Variants in ATP2A1 observed in about 807,000 individuals in gnomAD.
The protein encoded by ATP2A1 is sarcoplasmic/endoplasmic reticulum calcium ATPase 1.
ATP2A1 carries 83 observed loss-of-function variants against 109.5 expected under a neutral mutation model. The ratio of observed to expected loss-of-function variants is 0.76; its 90% CI spans 0.63 to 0.91. The LOEUF is 0.91. Among genes scored for constraint, ATP2A1 ranks in the 40% least tolerant of loss-of-function variants. The pLI is 0.00. For missense variants in ATP2A1, 1,101 were observed against 1,341.0 expected (o/e 0.82, Z 2.80); for synonymous variants, 505 against 537.6 (o/e 0.94, Z 0.84).
intron 14 of ATP2A1, among the ~76,000 whole-genome samples, chr16:28,899,305 C>T (rs1963999251): frequency 6.6e-6 from 1 of 152,206 alleles, no homozygotes; most frequent in African/African-American, 2.4e-5. Context: ...CTGCCAAAAG[C>T]AGAAAGCAGT....
Position 28,902,425 on chromosome 16 carries a change from G to A in ATP2A1, c.2524+39G>A, listed in dbSNP as rs1964106535. The stretch of plus-strand genomic sequence containing the variant: ...GTTCCTCGATCCTCCCCACCCCTTG[G>A]GACTAACCCCCTCTCTGGGACACCA... On this transcript the variant is annotated intron_variant, in intron 17 of 22. Transcript: ENST00000395503. The surrounding 1 kb of genome is among the most constrained non-coding windows in gnomAD (Gnocchi z 4.8). 6.2e-7 allele frequency: 1 copy of A among 1,607,032 alleles called. No individual in the cohort carries two copies. The highest frequency in any genetic ancestry group is 8.5e-7 in the Non-Finnish European group (1 of 1,174,930).
rs1963462817 is a variant in ATP2A1, at chr16:28,881,149, G to C, written c.324+130G>C. 1.1e-5 allele frequency: 10 copies of C among 930,448 alleles called. No individual in the cohort carries two copies. The South Asian group carries it at 1.4e-4, about 13-fold the overall frequency. 57.6% of individuals were successfully genotyped at this position (930,448 alleles called of 1,614,324 possible). On this transcript the variant is annotated intron_variant, in intron 4 of 22. Transcript: ENST00000395503. ...TTCCTCTGGTCCTATCCCCTGGTCTGGAATGGGATGGAGTGTGGGGAAGAG... is the reference window on the plus strand; with the variant it reads ...TTCCTCTGGTCCTATCCCCTGGTCTCGAATGGGATGGAGTGTGGGGAAGAG...
intron 6 of ATP2A1, 56 bp from the exon 7 acceptor site, chr16:28,887,133 A>T: frequency 6.4e-7 from 1 of 1,566,184 alleles, no homozygotes; most frequent in Non-Finnish European, 8.8e-7. Context: ...TAGGCACGGG[A>T]AGCCTGGGAG....
intron 12 of ATP2A1, among the ~76,000 whole-genome samples, chr16:28,897,463 C>T (rs1434354497): frequency 6.6e-6 from 1 of 152,078 alleles, no homozygotes; most frequent in East Asian, 1.9e-4. Flanking sequence ...CATTGTACTT[C>T]AGCCTAGGAG....
In ATP2A1 at chr16:28,888,997, G is replaced by GT. The variant is rs750076852; in HGVS notation, c.1095+45dup. 605 of 1,610,728 alleles carry GT rather than the reference G, an allele frequency of 3.8e-4. 1 individual carries two copies. The highest frequency in any genetic ancestry group is 4.9e-4 in the Non-Finnish European group (583 of 1,178,382). On this transcript the variant is annotated intron_variant, in intron 9 of 22. Transcript: ENST00000395503. ...AGCGCGCTCAGTCAGAAGGCTGCCT[G>GT]TGGGGGTTAAATGGGCCCTCCAAAG...
At position 28,887,218 on chromosome 16, in the gene ATP2A1, G is replaced by A; in HGVS notation, c.574G>A (p.Glu192Lys). 1 of 1,613,700 alleles carries A rather than the reference G, an allele frequency of 6.2e-7. No homozygotes were observed. Residue 192 changes from glutamate (E) to lysine (K), a missense_variant, in exon 7 of 23, where the codon GAG becomes AAG. Physicochemically the swap from Glu to Lys is moderately conservative, Grantham distance 56. Transcript: ENST00000395503. ...GESVSVIKHT[E>K]PVPDPRAVNQ... Reference sequence around the variant, plus strand: ...GTCTGTATCTGTCATCAAACACACGGAGCCCGTTCCTGACCCCCGAGCTGT... The same window carrying A: ...GTCTGTATCTGTCATCAAACACACGAAGCCCGTTCCTGACCCCCGAGCTGT...
In ATP2A1 at chr16:28,880,832, C is replaced by T. The variant is rs969258495; in HGVS notation, c.220-83C>T. 3.8e-5 allele frequency: 51 copies of T among 1,331,538 alleles called. No individual in the cohort carries two copies. Among genetic ancestry groups the T allele is most frequent in the Non-Finnish European group, 5.2e-5 (48 of 924,108 alleles). 82.5% of individuals were successfully genotyped at this position (1,331,538 alleles called of 1,614,324 possible). ...GGCTCCTGCACTCTCCTGCACAGTT[C>T]TCCCCTTTGCAGTGGTCCACTTCCT... On this transcript the variant is annotated intron_variant, in intron 3 of 22. Transcript: ENST00000395503. The surrounding 1 kb of genome is among the most constrained non-coding windows in gnomAD (Gnocchi z 4.2).
In ATP2A1 at chr16:28,902,784, T is replaced by C; in HGVS notation, c.2617T>C (p.Phe873Leu). The C allele has an allele frequency of 6.2e-7, 1 of 1,613,570 alleles. No individual in the cohort carries two copies. The highest frequency in any genetic ancestry group is 8.5e-7 in the Non-Finnish European group (1 of 1,179,826). Residue 873 changes from phenylalanine (F) to leucine (L), a missense_variant, in exon 19 of 23, where the codon TTC becomes CTC. Physicochemically the swap from Phe to Leu is conservative, Grantham distance 22 (BLOSUM62 0). Transcript: ENST00000395503. This position sits in a 1 kb window ranked among gnomAD's most constrained non-coding sequence, Gnocchi z 4.8. The stretch of plus-strand genomic sequence containing the variant: ...TCCCGTACCTTCCCTGCAGACTCAC[T>C]TCATGCAGTGCACCGAGGACAACAC... ...PHVNYSQLTH[F>L]MQCTEDNTHF... is the part of the protein sequence containing the mutation.
chr16:28,902,982 ACCTCCTTCCTCCTCACTGTG>A lies in ATP2A1; in HGVS notation c.2745-44_2745-25del. The A allele has an allele frequency of 6.2e-7, 1 of 1,607,698 alleles. No individual in the cohort carries two copies. The highest frequency in any genetic ancestry group is 8.5e-7 in the Non-Finnish European group (1 of 1,178,176). ...GCCCACATCCTCCACTGTGCCGCCCACCTCCTTCCTCCTCACTGTGCCTTCTCCCTCCCCTTCCCCTCTGC... is the reference window on the plus strand; with the variant it reads ...GCCCACATCCTCCACTGTGCCGCCCACCTTCTCCCTCCCCTTCCCCTCTGC... On this transcript the variant is annotated intron_variant, in intron 19 of 22. Transcript: ENST00000395503. The surrounding 1 kb of genome is among the most constrained non-coding windows in gnomAD (Gnocchi z 4.8).
chr16:28,879,844 C>T (rs1963403609), intron 3 of ATP2A1: 2 of 596,780 alleles, frequency 3.4e-6, no homozygotes, highest in Non-Finnish European at 5.3e-6. Context: ...GCTTCAAGAG[C>T]TTGGAGAGCT....
rs750049229 is a variant in ATP2A1 at position 28,887,719 on chromosome 16, G to A, written c.925G>A (p.Glu309Lys). Residue 309 changes from glutamate to lysine, a missense_variant, in exon 8 of 23, where the codon GAA becomes AAA. Coordinates refer to ENST00000395503, the MANE Select transcript of ATP2A1 (RefSeq NM_004320.6). The stretch of plus-strand genomic sequence containing the variant: ...GGCCTTGGCTGTGGCTGCCATCCCC[G>A]AAGGTATGAAAGCCTTTCTTTTCTC... The part of the protein sequence containing the change: ...AVALAVAAIP[E>K]GLPAVITTCL... 6 of 1,613,708 alleles carry A rather than the reference G, an allele frequency of 3.7e-6. No individual in the cohort carries two copies. Among genetic ancestry groups the A allele is most frequent in the South Asian group, 3.3e-5 (3 of 91,074 alleles).
At position 28,902,479 on chromosome 16, in the gene ATP2A1, T is replaced by G. The variant is rs1964108674; in HGVS notation, c.2524+93T>G. ...CCCCCATGCAGGTGCTGAGAGGGTCTTCTTCCTTGGCCAGCCTGTCCATGG... is the reference window on the plus strand; with the variant it reads ...CCCCCATGCAGGTGCTGAGAGGGTCGTCTTCCTTGGCCAGCCTGTCCATGG... On this transcript the variant is annotated intron_variant, in intron 17 of 22. Transcript: ENST00000395503. This position sits in a 1 kb window ranked among gnomAD's most constrained non-coding sequence, Gnocchi z 4.8. 6.4e-7 allele frequency: 1 copy of G among 1,570,312 alleles called. No individual in the cohort carries two copies. The highest frequency in any genetic ancestry group is 8.7e-7 in the Non-Finnish European group (1 of 1,148,634).
chr16:28,902,064 A>C lies in ATP2A1; in HGVS notation c.2302A>C (p.Asn768His). The stretch of plus-strand genomic sequence containing the variant: ...GTTCATCCGCTACCTCATTTCCTCC[A>C]ACGTGGGCGAGGTGGTCTGGTGAGC... ...KQFIRYLISS[N>H]VGEVVCIFLT... is the part of the protein sequence containing the mutation. The change falls in exon 16 of 23, where the codon AAC becomes CAC. Residue 768 changes from asparagine (N) to histidine (H), a missense_variant. Asn to His is a moderately conservative substitution (Grantham distance 68, BLOSUM62 1). Transcript: ENST00000395503. The surrounding 1 kb of genome is among the most constrained non-coding windows in gnomAD (Gnocchi z 4.8). 6.2e-7 allele frequency: 1 copy of C among 1,614,214 alleles called. No individual in the cohort carries two copies.
chr16:28,900,594 T>A lies in ATP2A1; in HGVS notation c.1778T>A (p.Phe593Tyr), dbSNP rs1567490455. ...GTATCTCCCCAGACGGACCTGACAT[T>A]CGTGGGTGTAGTGGGCATGCTGGAC... is the stretch of plus-strand genomic sequence containing the variant. The part of the protein sequence containing the change: ...RFLEYETDLT[F>Y]VGVVGMLDPP... The change falls in exon 15 of 23, where the codon TTC becomes TAC. Residue 593 changes from phenylalanine to tyrosine, a missense_variant. Phe to Tyr is a conservative substitution (Grantham distance 22). Coordinates refer to ENST00000395503, the MANE Select transcript of ATP2A1 (RefSeq NM_004320.6). The A allele has an allele frequency of 1.3e-6, 2 of 1,566,468 alleles. No individual in the cohort carries two copies.
chr16:28,898,539 T>A lies in ATP2A1; in HGVS notation c.1764+88T>A, dbSNP rs535975890. 2 of 1,420,808 alleles carry A rather than the reference T, an allele frequency of 1.4e-6. No individual in the cohort carries two copies. The highest frequency in any genetic ancestry group is 2.4e-5 in the South Asian group (2 of 82,160). 88.0% of individuals were successfully genotyped at this position (1,420,808 alleles called of 1,614,324 possible). On this transcript the variant is annotated intron_variant, in intron 14 of 22. Transcript: ENST00000395503. The surrounding 1 kb of genome is among the most constrained non-coding windows in gnomAD (Gnocchi z 4.0). The stretch of plus-strand genomic sequence containing the variant: ...CTCACAGCTCCACCACCCGGATCAT[T>A]TCCTACCTCGTCAGTCAAGTTGATG...
chr16:28,894,269 C>T, intron 10 of ATP2A1, 26 bp downstream of exon 10: 2 of 1,600,488 alleles, frequency 1.2e-6, no homozygotes, highest in Non-Finnish European at 1.7e-6. Flanking sequence ...ATCTTCTCCC[C>T]AGCTCCTCAC....
chr16:28,900,650 C>T lies in ATP2A1; in HGVS notation c.1834C>T (p.Gln612Ter). The T allele has an allele frequency of 6.2e-7, 1 of 1,607,354 alleles. No homozygotes were observed. The highest frequency in any genetic ancestry group is 8.5e-7 in the Non-Finnish European group (1 of 1,175,110). The change falls in exon 15 of 23, where the codon CAG (glutamine) becomes TAG (stop). Residue 612 changes from glutamine (Q) to a stop codon, truncating the protein, a stop_gained. Transcript: ENST00000395503. LOFTEE classifies it high-confidence loss of function. ...GCGCAAGGAGGTCACGGGCTCCATC[C>T]AGCTGTGCCGTGACGCCGGGATCCG... ...PPRKEVTGSI[Q>*]LCRDAGIRVI...
At chr16:28,882,318 T>C in intron 4 of ATP2A1, 133 bp from the exon 5 acceptor site, 1 of 1,345,904 alleles carries the variant, frequency 7.4e-7, no homozygotes, top group Non-Finnish European at 1.0e-6. Flanking sequence ...TTTTCACCTG[T>C]AGGTGACAGT....
chr16:28,879,384 G>C, intron 2 of ATP2A1, 117 bp from the exon 3 acceptor site: 1 of 1,037,428 alleles, frequency 9.6e-7, no homozygotes. Flanking sequence ...TGGGCACCAA[G>C]CTGTCTGCCC....
Sources: gnomAD v4.1 joint callset for allele counts (sites outside exome capture counted in the v4.1 genomes callset) on GRCh38, gnomAD v4.1.1 for gene constraint, Gnocchi (gnomAD v3.1) non-coding constraint, MANE v1.5 for transcripts, NCBI Gene and HGNC (gene_info 2026-07-23, HGNC 2026-07-21) for gene names.